Variants in EGFLAM observed in about 807,000 individuals in gnomAD.
EGFLAM encodes pikachurin.
In EGFLAM, 79 loss-of-function variants were observed where a neutral mutation model predicts 113.1. That is an observed-to-expected ratio of 0.70 (90% CI 0.58 to 0.84). The LOEUF (loss-of-function observed/expected upper bound fraction) is 0.84. EGFLAM is among the 40% of genes least tolerant of loss of function. The pLI, the probability that EGFLAM is intolerant of heterozygous loss-of-function variation, is 0.00. For synonymous variants in EGFLAM, 504 were observed against 487.6 expected (o/e 1.03, Z -0.44); for missense variants, 1,265 against 1,291.6 (o/e 0.98, Z 0.32).
At chr5:38,357,182 G>A (rs752531261) in intron 5 of EGFLAM, among the ~76,000 whole-genome samples, 17 of 152,084 alleles carry the variant, frequency 1.1e-4, no homozygotes, top group Non-Finnish European at 2.2e-4. Flanking sequence ...CTTGAGCTTG[G>A]GAGATCAAGG....
chr5:38,331,373 C>T (rs756480403), intron 1 of EGFLAM, among the ~76,000 whole-genome samples: 8 of 152,122 alleles, frequency 5.3e-5, no homozygotes, highest in African/African-American at 1.4e-4. Flanking sequence ...TTTCACTGCC[C>T]TAAGAACCCT....
chr5:38,308,224 G>C (rs1421702293), intron 1 of EGFLAM, among the ~76,000 whole-genome samples: 1 of 152,216 alleles, frequency 6.6e-6, no homozygotes, highest in Non-Finnish European at 1.5e-5. Context: ...CAGAGTTCTT[G>C]TTAACATTTT....
intron 1 of EGFLAM, among the ~76,000 whole-genome samples, chr5:38,318,134 G>C (rs1337538643): frequency 6.6e-6 from 1 of 152,096 alleles, no homozygotes; most frequent in African/African-American, 2.4e-5. Flanking sequence ...TCATGGAAGA[G>C]AGTCTCCTGC....
chr5:38,436,757 C>A (rs1212323675), intron 16 of EGFLAM, among the ~76,000 whole-genome samples: 2 of 152,212 alleles, frequency 1.3e-5, no homozygotes, highest in East Asian at 3.9e-4. Context: ...GTGAACAGTG[C>A]CATTCCTGGC....
At chr5:38,305,509 T>A in intron 1 of EGFLAM, 1 of 452,682 alleles carries the variant, frequency 2.2e-6, no homozygotes, top group South Asian at 1.6e-5. Flanking sequence ...AAACAGAAGA[T>A]CCAATCCAGG....
chr5:38,280,505 C>G (rs73750664), intron 1 of EGFLAM, among the ~76,000 whole-genome samples: 1 of 152,148 alleles, frequency 6.6e-6, no homozygotes, highest in African/African-American at 2.4e-5. Context: ...CACTTCCCCC[C>G]GATTCCTCTC....
At chr5:38,370,266 C>T (rs780496279) in intron 5 of EGFLAM, 30 bp from the exon 6 acceptor site, 8 of 1,602,102 alleles carry the variant, frequency 5.0e-6, no homozygotes, top group Non-Finnish European at 6.8e-6. Context: ...TTCTGAACTA[C>T]TGCTTCTTCT....
Position 38,370,340 on chromosome 5 carries a change from A to G in EGFLAM, c.590A>G (p.Gln197Arg), listed in dbSNP as rs1306746822. 3 of 1,614,114 alleles carry G rather than the reference A, an allele frequency of 1.9e-6. No individual in the cohort carries two copies. The highest frequency in any genetic ancestry group is 2.5e-6 in the Non-Finnish European group (3 of 1,180,042). ...KKWTSIHERI[Q>R]MDSMVIKGLD... ...TGGACCTCAATCCATGAGCGGATCC[A>G]GATGGACTCCATGGTTATCAAGGGC... Residue 197 changes from glutamine (Q) to arginine (R), a missense_variant, in exon 6 of 22, where the codon CAG becomes CGG. Physicochemically the swap from Gln to Arg is conservative, Grantham distance 43. Coordinates refer to ENST00000322350, the MANE Select transcript of EGFLAM (RefSeq NM_152403.4).
intron 6 of EGFLAM, among the ~76,000 whole-genome samples, chr5:38,389,485 A>G (rs910514874): frequency 6.6e-6 from 1 of 152,144 alleles, no homozygotes; most frequent in African/African-American, 2.4e-5. Flanking sequence ...AGTATCAAGT[A>G]TTCGTTTATT....
chr5:38,433,244 C>T (rs1742242584), intron 15 of EGFLAM, among the ~76,000 whole-genome samples: 1 of 152,166 alleles, frequency 6.6e-6, no homozygotes, highest in Admixed American at 6.5e-5. Context: ...ACCTAAGAGC[C>T]TGTGTGCAGA....
In EGFLAM at chr5:38,438,223, C is replaced by G. The variant is rs373941671; in HGVS notation, c.2284-52C>G. 5.2e-4 allele frequency: 821 copies of G among 1,574,502 alleles called. 2 individuals carry two copies. The highest frequency in any genetic ancestry group is 6.4e-4 in the Non-Finnish European group (741 of 1,155,994). ...ATTTGCCAAGGGAAGCTTTAGAAGA[C>G]TACAAAGATGTTTCTTAATTCCTGA... On this transcript the variant is annotated intron_variant, in intron 16 of 21. Coordinates refer to ENST00000322350, the MANE Select transcript of EGFLAM (RefSeq NM_152403.4).
intron 1 of EGFLAM, among the ~76,000 whole-genome samples, chr5:38,281,912 A>G (rs183765189): frequency 2.1e-4 from 32 of 152,342 alleles, no homozygotes; most frequent in African/African-American, 7.5e-4. Flanking sequence ...TAATTCTAAG[A>G]ATCTAAAGGT....
At chr5:38,339,117 G>T (rs1056433453) in intron 3 of EGFLAM, among the ~76,000 whole-genome samples, 18 of 151,978 alleles carry the variant, frequency 1.2e-4, no homozygotes, top group African/African-American at 4.4e-4. Context: ...CCCAATAAAA[G>T]CTTTATAAAT....
rs574761346 is a variant in EGFLAM, at chr5:38,403,771, G to A, written c.713-2355G>A. ...AGAAAGCAAAAATACAGATAAGGGG[G>A]ACTGCTTGCTGTACAAAGATAGAGA... On this transcript the variant is annotated intron_variant, in intron 6 of 21. Coordinates refer to ENST00000322350, the MANE Select transcript of EGFLAM (RefSeq NM_152403.4). 7.0e-5 allele frequency: 111 copies of A among 1,596,154 alleles called. 1 individual carries two copies. In the South Asian group the frequency reaches 1.2e-3, roughly 17 times the overall value.
chr5:38,344,467 G>C (rs1391386714), intron 3 of EGFLAM, among the ~76,000 whole-genome samples: 3 of 133,736 alleles, frequency 2.2e-5, no homozygotes, highest in Non-Finnish European at 3.1e-5. Flanking sequence ...TGGGCAACAA[G>C]AGTGAAACTC....
chr5:38,337,395 C>A, intron 1 of EGFLAM, 125 bp from the exon 2 acceptor site: 1 of 915,882 alleles, frequency 1.1e-6, no homozygotes, highest in Non-Finnish European at 1.6e-6. Flanking sequence ...AAATTGACTG[C>A]ATTTCTGGAA....
At chr5:38,395,239 C>CTTTTT (rs1221649921) in intron 6 of EGFLAM, among the ~76,000 whole-genome samples, 1 of 114,664 alleles carries the variant, frequency 8.7e-6, no homozygotes, top group Non-Finnish European at 1.7e-5. Context: ...CATGCCTAGC[C>CTTTTT]TTTTTTTTTT....
chr5:38,459,966 C>A (rs2112290731), intron 20 of EGFLAM, among the ~76,000 whole-genome samples: 1 of 152,388 alleles, frequency 6.6e-6, no homozygotes, highest in East Asian at 1.9e-4. Context: ...TGAATATCCA[C>A]ATGCTTGGAT....
chr5:38,434,523 A>G lies in EGFLAM; in HGVS notation c.2167-614A>G, dbSNP rs371784748. Among the ~76,000 whole-genome samples the G allele has an allele frequency of 8.6e-4, 131 of 152,350 alleles. No individual in the cohort carries two copies. In the South Asian group the frequency reaches 0.016, roughly 18 times the overall value. ...AGCTGCTACTATTTGTATTTATTTT[A>G]TCGTAAATCAAAGAAAATAATAACT... is the stretch of plus-strand genomic sequence containing the variant. On this transcript the variant is annotated intron_variant, in intron 15 of 21. Transcript: ENST00000322350.
Sources: allele counts gnomAD v4.1 joint callset (sites outside exome capture counted in the v4.1 genomes callset), GRCh38; gene constraint gnomAD v4.1.1; transcripts MANE v1.5; gene names NCBI Gene and HGNC (gene_info 2026-07-23, HGNC 2026-07-21).